The following PPP2R5E variants were observed in gnomAD, a reference collection of about 807,000 sequenced individuals.
PPP2R5E encodes serine/threonine-protein phosphatase 2A 56 kDa regulatory subunit epsilon isoform.
PPP2R5E carries 4 observed loss-of-function variants against 65.3 expected under a neutral mutation model. That is an observed-to-expected ratio of 0.06 (90% CI 0.03 to 0.14). The LOEUF (loss-of-function observed/expected upper bound fraction) is 0.14, where lower values mean the gene tolerates loss of function less well. Among genes scored for constraint, PPP2R5E ranks in the 10% least tolerant of loss-of-function variants. The probability of loss-of-function intolerance (pLI) is 1.00; values close to 1 mark genes in which losing one functional copy is unlikely to be tolerated. For synonymous variants in PPP2R5E, 183 were observed against 187.4 expected (o/e 0.98, Z 0.19); for missense variants, 274 against 556.1 (o/e 0.49, Z 5.10).
chr14:63,535,664 C>G (rs1292400642), intron 2 of PPP2R5E, among the ~76,000 whole-genome samples: 1 of 152,070 alleles, frequency 6.6e-6, no homozygotes, highest in Non-Finnish European at 1.5e-5. Context: ...GTATAATTAT[C>G]GTATTCAAAC....
At chr14:63,439,697 C>CCA (rs573879858) in intron 3 of PPP2R5E, among the ~76,000 whole-genome samples, 2 of 152,254 alleles carry the variant, frequency 1.3e-5, no homozygotes, top group South Asian at 4.1e-4. Context: ...TTTGTCTATG[C>CCA]CACTGACCCA....
At chr14:63,468,506 G>C (rs373125013) in intron 2 of PPP2R5E, among the ~76,000 whole-genome samples, 4 of 152,182 alleles carry the variant, frequency 2.6e-5, no homozygotes, top group Admixed American at 2.0e-4. Context: ...ACTCCTGAAG[G>C]GTGAAGAGAG....
At chr14:63,487,314 A>G (rs899431421) in intron 2 of PPP2R5E, among the ~76,000 whole-genome samples, 6 of 152,200 alleles carry the variant, frequency 3.9e-5, no homozygotes, top group Admixed American at 3.3e-4. Flanking sequence ...ATAGTCCAGT[A>G]GGAAATCAGA....
At chr14:63,458,309 T>C (rs1889251570) in intron 2 of PPP2R5E, among the ~76,000 whole-genome samples, 1 of 152,246 alleles carries the variant, frequency 6.6e-6, no homozygotes, top group East Asian at 1.9e-4. Flanking sequence ...TCTTCCCTAC[T>C]AGTCCACTTC....
intron 2 of PPP2R5E, among the ~76,000 whole-genome samples, chr14:63,510,320 T>C (rs1286790436): frequency 6.6e-6 from 1 of 152,202 alleles, no homozygotes; most frequent in Non-Finnish European, 1.5e-5. Context: ...TGCTGAGGCT[T>C]AGGTGGCATA....
chr14:63,400,225 T>G (rs1885667833), intron 5 of PPP2R5E, among the ~76,000 whole-genome samples: 1 of 152,226 alleles, frequency 6.6e-6, no homozygotes, highest in Non-Finnish European at 1.5e-5. Context: ...GCAAGACAGA[T>G]ACAGTCTTTG....
At chr14:63,514,617 CA>C (rs1892591363) in intron 2 of PPP2R5E, among the ~76,000 whole-genome samples, 5 of 152,030 alleles carry the variant, frequency 3.3e-5, no homozygotes, top group Admixed American at 3.3e-4. Flanking sequence ...TTTAAATACA[CA>C]AAGAATTCCT....
At chr14:63,454,444 C>T (rs567704150) in intron 2 of PPP2R5E, among the ~76,000 whole-genome samples, 1 of 151,940 alleles carries the variant, frequency 6.6e-6, no homozygotes, top group African/African-American at 2.4e-5. Flanking sequence ...GAAACAATAC[C>T]AACTCTCTCA....
chr14:63,521,297 T>A (rs1176006239), intron 2 of PPP2R5E, among the ~76,000 whole-genome samples: 1 of 152,240 alleles, frequency 6.6e-6, no homozygotes, highest in East Asian at 1.9e-4. Flanking sequence ...TCATCTAAAC[T>A]GTTTTTGATT....
chr14:63,437,407 A>G (rs375181064), intron 3 of PPP2R5E, among the ~76,000 whole-genome samples: 1 of 152,374 alleles, frequency 6.6e-6, no homozygotes. Flanking sequence ...ATGAGATCCA[A>G]GAACCCTCTC....
intron 2 of PPP2R5E, among the ~76,000 whole-genome samples, chr14:63,517,464 T>C (rs1594962181): frequency 7.1e-6 from 1 of 140,838 alleles, no homozygotes; most frequent in African/African-American, 2.9e-5. Flanking sequence ...TTAAGCACTA[T>C]CAAAAACCCC....
At chr14:63,534,096 G>A (rs1054804509) in intron 2 of PPP2R5E, among the ~76,000 whole-genome samples, 2 of 152,158 alleles carry the variant, frequency 1.3e-5, no homozygotes, top group Admixed American at 6.5e-5. Flanking sequence ...CAGGAGGCTG[G>A]GGTGAGGAGA....
chr14:63,446,039 T>C (rs1215660698), intron 3 of PPP2R5E, among the ~76,000 whole-genome samples: 1 of 152,248 alleles, frequency 6.6e-6, no homozygotes, highest in African/African-American at 2.4e-5. Flanking sequence ...TCCTTTGTTG[T>C]CATTTCAACA....
intron 3 of PPP2R5E, among the ~76,000 whole-genome samples, chr14:63,438,794 A>G (rs569874955): frequency 2.6e-4 from 39 of 152,326 alleles, no homozygotes; most frequent in African/African-American, 8.4e-4. Flanking sequence ...AATTAAAACT[A>G]AACACTTTAA....
intron 2 of PPP2R5E, among the ~76,000 whole-genome samples, chr14:63,480,945 T>C (rs1305061702): frequency 6.6e-6 from 1 of 152,216 alleles, no homozygotes; most frequent in African/African-American, 2.4e-5. Context: ...AGGGTCGGTT[T>C]GAGTGTTAAG....
chr14:63,435,894 C>T (rs1429360461), intron 3 of PPP2R5E, among the ~76,000 whole-genome samples: 2 of 152,200 alleles, frequency 1.3e-5, no homozygotes, highest in African/African-American at 4.8e-5. Flanking sequence ...GTATTGTACT[C>T]GCTCCAAAAT....
At chr14:63,513,248 C>T (rs1055327312) in intron 2 of PPP2R5E, among the ~76,000 whole-genome samples, 1 of 152,110 alleles carries the variant, frequency 6.6e-6, no homozygotes, top group African/African-American at 2.4e-5. Flanking sequence ...AGAAAGGCCC[C>T]TCAGGATCAT....
At chr14:63,458,576 T>C (rs1475886366) in intron 2 of PPP2R5E, among the ~76,000 whole-genome samples, 2 of 152,208 alleles carry the variant, frequency 1.3e-5, no homozygotes, top group African/African-American at 2.4e-5. Flanking sequence ...ATCATTATAT[T>C]TATTACCCAT....
chr14:63,484,347 TCACACACACACACACA>T (rs199749451), intron 2 of PPP2R5E, among the ~76,000 whole-genome samples: 1 of 139,596 alleles, frequency 7.2e-6, no homozygotes, highest in Non-Finnish European at 1.5e-5. Context: ...TCTCTCTCTC[TCACACACACACACACA>T]CACACACACA....
Sources: gnomAD v4.1 joint callset for allele counts (sites outside exome capture counted in the v4.1 genomes callset) on GRCh38, gnomAD v4.1.1 for gene constraint, MANE v1.5 for transcripts, NCBI Gene and HGNC (gene_info 2026-07-23, HGNC 2026-07-21) for gene names.